Variants in AIM2 observed in about 807,000 individuals in gnomAD.
The protein encoded by AIM2 is interferon-inducible protein AIM2.
A neutral mutation model predicts 27.7 loss-of-function variants in AIM2; 30 were observed. The observed-to-expected ratio is 1.08, with a 90% CI of 0.81 to 1.47. The LOEUF (loss-of-function observed/expected upper bound fraction) is 1.47. Among genes scored for constraint, AIM2 ranks in the 40% most tolerant of loss-of-function variants. The probability of loss-of-function intolerance (pLI) is 0.00; values close to 1 mark genes in which losing one functional copy is unlikely to be tolerated. For missense variants in AIM2, 358 were observed against 411.3 expected (o/e 0.87, Z 1.12); for synonymous variants, 141 against 145.3 (o/e 0.97, Z 0.21).
Position 159,073,247 on chromosome 1 carries a change from T to C in AIM2, c.253A>G (p.Lys85Glu). The change falls in exon 2 of 6, where the codon AAG (lysine) becomes GAG (glutamate). Residue 85 changes from lysine to glutamate, a missense_variant. Coordinates refer to ENST00000368130, the MANE Select transcript of AIM2 (RefSeq NM_004833.3). The stretch of plus-strand genomic sequence containing the variant: ...GGAACTCCCACATTACCTTTCTCCT[T>C]CTCCTCCTGAAGACGTTTTGCCAAA... Reference protein sequence around the residue: ...MLLAKRLQEEKEKVDKQYKSV... With the variant: ...MLLAKRLQEEEEKVDKQYKSV... The C allele has an allele frequency of 6.2e-7, 1 of 1,614,086 alleles. No homozygotes were observed. Among genetic ancestry groups the C allele is most frequent in the Non-Finnish European group, 8.5e-7 (1 of 1,179,958 alleles).
chr1:159,065,886 A>C (rs1181979696), intron 4 of AIM2, 24 bp downstream of exon 4: 2 of 1,557,964 alleles, frequency 1.3e-6, no homozygotes, highest in African/African-American at 2.8e-5. Flanking sequence ...ACTAATCAAT[A>C]TGAAATTAGA....
At chr1:159,083,229 A>C (rs1656823504) in intron 1 of AIM2, among the ~76,000 whole-genome samples, 1 of 152,328 alleles carries the variant, frequency 6.6e-6, no homozygotes, top group Non-Finnish European at 1.5e-5. Flanking sequence ...CCATATTGGG[A>C]AAGTGGAAAG....
intron 2 of AIM2, among the ~76,000 whole-genome samples, chr1:159,071,469 C>A (rs1656361833): frequency 6.6e-6 from 1 of 152,246 alleles, no homozygotes; most frequent in Non-Finnish European, 1.5e-5. Flanking sequence ...AGGAACTTAA[C>A]TGCCTTCTTG....
intron 1 of AIM2, among the ~76,000 whole-genome samples, chr1:159,093,327 G>A (rs971804659): frequency 4.6e-5 from 7 of 152,174 alleles, no homozygotes; most frequent in Non-Finnish European, 1.0e-4. Flanking sequence ...GTGCAGTGAC[G>A]TAGCCAGAAC....
intron 4 of AIM2, among the ~76,000 whole-genome samples, 196 bp from the exon 5 acceptor site, chr1:159,063,870 C>T (rs1038094808): frequency 6.6e-6 from 1 of 152,188 alleles, no homozygotes; most frequent in Non-Finnish European, 1.5e-5. Context: ...AAGACCAACC[C>T]TCCTCTTCCT....
intron 1 of AIM2, among the ~76,000 whole-genome samples, chr1:159,122,591 C>A (rs1278117529): frequency 6.6e-6 from 1 of 152,112 alleles, no homozygotes; most frequent in African/African-American, 2.4e-5. Context: ...GGGACACAGT[C>A]CTGGGATCCA....
At chr1:159,085,138 A>G (rs565254602) in intron 1 of AIM2, among the ~76,000 whole-genome samples, 1 of 152,240 alleles carries the variant, frequency 6.6e-6, no homozygotes, top group Admixed American at 6.5e-5. Context: ...GCAAGATGGA[A>G]ACTCCATGGA....
intron 1 of AIM2, among the ~76,000 whole-genome samples, chr1:159,112,029 G>A (rs1657588301): frequency 6.6e-6 from 1 of 151,898 alleles, no homozygotes; most frequent in African/African-American, 2.4e-5. Context: ...GCGACAGAGT[G>A]AGACTCTGAC....
At chr1:159,108,913 C>T (rs1657509627) in intron 1 of AIM2, among the ~76,000 whole-genome samples, 1 of 152,104 alleles carries the variant, frequency 6.6e-6, no homozygotes. Flanking sequence ...CAAATGGAAA[C>T]ACATCCCATG....
At chr1:159,127,469 T>C (rs942888447) in intron 1 of AIM2, among the ~76,000 whole-genome samples, 5 of 152,194 alleles carry the variant, frequency 3.3e-5, no homozygotes, top group African/African-American at 1.2e-4. Context: ...TGTGATGGCA[T>C]GGGGCCATTG....
intron 1 of AIM2, among the ~76,000 whole-genome samples, chr1:159,088,167 T>C (rs141854656): frequency 2.9e-4 from 44 of 152,198 alleles, no homozygotes; most frequent in Non-Finnish European, 5.4e-4. Flanking sequence ...CAGGCCTGCT[T>C]GAGGTCTGGG....
intron 1 of AIM2, among the ~76,000 whole-genome samples, chr1:159,117,694 G>A (rs778720778): frequency 6.6e-5 from 10 of 152,094 alleles, no homozygotes; most frequent in Non-Finnish European, 1.2e-4. Flanking sequence ...CTGAGGCCAT[G>A]TTGACCTTAC....
intron 1 of AIM2, among the ~76,000 whole-genome samples, chr1:159,112,158 C>T (rs1004431901): frequency 1.3e-5 from 2 of 152,286 alleles, no homozygotes; most frequent in East Asian, 1.9e-4. Flanking sequence ...TGGAATAAGA[C>T]ATACTCCAGT....
chr1:159,118,488 G>A (rs1647443361), intron 1 of AIM2, among the ~76,000 whole-genome samples: 1 of 152,114 alleles, frequency 6.6e-6, no homozygotes, highest in Admixed American at 6.5e-5. Flanking sequence ...CATTACCTCA[G>A]GAGGCACACA....
intron 1 of AIM2, among the ~76,000 whole-genome samples, chr1:159,113,844 G>A (rs1194517807): frequency 2.0e-5 from 3 of 152,186 alleles, no homozygotes; most frequent in African/African-American, 7.2e-5. Flanking sequence ...ATGATAAGAA[G>A]TTTTGAAAGT....
downstream of AIM2, among the ~76,000 whole-genome samples, chr1:159,059,724 T>A (rs532306024): frequency 3.8e-4 from 58 of 152,144 alleles, no homozygotes; most frequent in Non-Finnish European, 7.4e-4. Flanking sequence ...TTCCTTAACA[T>A]CATGCTGATT....
rs530759351 is a variant in AIM2, at chr1:159,104,423, T to A, written c.-16+36008A>T. Among the ~76,000 whole-genome samples, 18 of 152,358 alleles carry A rather than the reference T, an allele frequency of 1.2e-4. 1 individual carries two copies. The South Asian group carries it at 3.5e-3, about 30-fold the overall frequency. On this transcript the variant is annotated intron_variant, in intron 1 of 2. Transcript: ENST00000368129. ...TAAAACTCATATTCAATTCAGTTATTGAAAATAAGTATGATTGAAATAAGT... is the reference window on the plus strand; with the variant it reads ...TAAAACTCATATTCAATTCAGTTATAGAAAATAAGTATGATTGAAATAAGT...
intron 1 of AIM2, among the ~76,000 whole-genome samples, chr1:159,124,724 G>C (rs554835053): frequency 2.0e-5 from 3 of 152,158 alleles, no homozygotes; most frequent in African/African-American, 7.2e-5. Context: ...TCACAGCCTT[G>C]ACCTTCCCAG....
intron 1 of AIM2, among the ~76,000 whole-genome samples, chr1:159,082,933 G>C (rs1272797810): frequency 1.3e-5 from 2 of 152,186 alleles, no homozygotes; most frequent in Non-Finnish European, 2.9e-5. Flanking sequence ...TAAGGAAAAA[G>C]TGTGTGAGAT....
Sources: allele counts gnomAD v4.1 joint callset (sites outside exome capture counted in the v4.1 genomes callset), GRCh38; gene constraint gnomAD v4.1.1; transcripts MANE v1.5; gene names NCBI Gene and HGNC (gene_info 2026-07-23, HGNC 2026-07-21).